Variants in DDX60L observed in about 807,000 individuals in gnomAD.
The protein encoded by DDX60L is probable ATP-dependent RNA helicase DDX60-like.
A neutral mutation model predicts 211.6 loss-of-function variants in DDX60L; 191 were observed. That is an observed-to-expected ratio of 0.90 (90% confidence interval 0.80 to 1.02). The LOEUF (loss-of-function observed/expected upper bound fraction) is 1.02. Ranked by LOEUF, DDX60L falls within the 50% of genes least tolerant of loss-of-function variation. The pLI, the probability that DDX60L is intolerant of heterozygous loss-of-function variation, is 0.00. For missense variants in DDX60L, 2,007 were observed against 1,984.1 expected, an observed-to-expected ratio of 1.01 and a Z score of -0.22; for synonymous variants, 706 against 694.1, an observed-to-expected ratio of 1.02 and a Z score of -0.27.
chr4:168,458,958 T>C (rs1211382718), intron 5 of DDX60L, among the ~76,000 whole-genome samples: 1 of 152,154 alleles, frequency 6.6e-6, no homozygotes, highest in Non-Finnish European at 1.5e-5. Context: ...TAATTTTTAT[T>C]TCAGAATATA....
chr4:168,443,564 A>T (rs1214805237), intron 9 of DDX60L, among the ~76,000 whole-genome samples: 1 of 152,232 alleles, frequency 6.6e-6, no homozygotes, highest in Non-Finnish European at 1.5e-5. Context: ...CAACTCCAAG[A>T]CACATAATTG....
In DDX60L at chr4:168,425,766, CAAAAAAAAG is replaced by C. The variant is rs1410695574; in HGVS notation, c.1930+1295_1930+1303del. 2.0e-5 allele frequency among the ~76,000 whole-genome samples: 3 copies of C among 150,540 alleles called. No individual in the cohort carries two copies. In the East Asian group the frequency reaches 5.8e-4, roughly 29 times the overall value. On this transcript the variant is annotated intron_variant, in intron 14 of 37. Coordinates refer to ENST00000682922, the MANE Select transcript of DDX60L (RefSeq NM_001012967.3). ...CCTGGGTGACAGTGAGACTCCATCCCAAAAAAAAGAAAAAAAAATCACATATCTCTACTC... is the reference window on the plus strand; with the variant it reads ...CCTGGGTGACAGTGAGACTCCATCCCAAAAAAAAATCACATATCTCTACTC...
intron 10 of DDX60L, among the ~76,000 whole-genome samples, chr4:168,433,932 C>T (rs963543534): frequency 6.6e-6 from 1 of 152,186 alleles, no homozygotes; most frequent in Non-Finnish European, 1.5e-5. Flanking sequence ...CCCCCAACAA[C>T]CATTATTTTG....
At chr4:168,397,736 G>T (rs1037473849) in intron 26 of DDX60L, among the ~76,000 whole-genome samples, 6 of 152,210 alleles carry the variant, frequency 3.9e-5, no homozygotes, top group African/African-American at 9.7e-5. Flanking sequence ...TGGCTAATCT[G>T]GAGCGGCCGC....
chr4:168,456,654 T>C (rs1366392473), intron 6 of DDX60L, among the ~76,000 whole-genome samples: 1 of 152,184 alleles, frequency 6.6e-6, no homozygotes, highest in Non-Finnish European at 1.5e-5. Flanking sequence ...ACAACGTCCA[T>C]CAGGATCATT....
chr4:168,384,237 C>G (rs74494019), intron 30 of DDX60L, among the ~76,000 whole-genome samples: 2 of 152,114 alleles, frequency 1.3e-5, no homozygotes, highest in Admixed American at 6.6e-5. Context: ...TGTCACTCTA[C>G]AGAACCCTAA....
rs3749499 is a variant in DDX60L at position 168,394,609 on chromosome 4, C to A, written c.3666G>T (p.Glu1222Asp). 1,555,815 of 1,595,826 alleles carry A rather than the reference C, an allele frequency of 0.97. 761,563 individuals carry two copies. The highest frequency in any genetic ancestry group is 1 in the Non-Finnish European group (1,170,205 of 1,175,220). The change falls in exon 28 of 38, where the codon GAG (glutamate) becomes GAT (aspartate). Residue 1222 changes from glutamate (E) to aspartate (D), a missense_variant. Transcript: ENST00000682922. ...TAAATCGCACTCGCGGTAATACCCTCTCCAAAGTCTAAAACAAGAAAGAAG... is the reference window on the plus strand; with the variant it reads ...TAAATCGCACTCGCGGTAATACCCTATCCAAAGTCTAAAACAAGAAAGAAG... Reference protein sequence around the residue: ...EITRNKDSTLERVLPRVRFTR... With the variant: ...EITRNKDSTLDRVLPRVRFTR...
chr4:168,449,664 AAG>A lies in DDX60L; in HGVS notation c.997-887_997-886del, dbSNP rs1186662228. On this transcript the variant is annotated intron_variant, in intron 8 of 37. Transcript: ENST00000682922. ...AAAAAAAAAAATGCAAAAAAAAAAA[AAG>A]AAAAAAGAAAAAAATTACTAAATGA... Among the ~76,000 whole-genome samples, 371 of 37,638 alleles carry A rather than the reference AAG, an allele frequency of 9.9e-3. 26 individuals carry two copies. Among genetic ancestry groups the A allele is most frequent in the African/African-American group, 0.04 (231 of 5,784 alleles). The allele number at this position is 37,638 out of a possible 152,430, so 24.7% of individuals were successfully genotyped here.
intron 36 of DDX60L, 191 bp from the exon 37 acceptor site, chr4:168,361,402 A>G (rs1579144017): frequency 2.1e-6 from 1 of 475,534 alleles, no homozygotes. Context: ...AAATTATTAA[A>G]GAGATAATTT....
rs1750658299 is a variant in DDX60L, at chr4:168,421,733, C to A, written c.2394+27G>T. On this transcript the variant is annotated intron_variant, in intron 17 of 37. Transcript: ENST00000682922. The stretch of plus-strand genomic sequence containing the variant: ...TAAAGGGGATGTTCAGGAACAAAAG[C>A]AAAAATGAAAGTCATTCAAACACTA... 5.0e-6 allele frequency: 8 copies of A among 1,611,304 alleles called. No homozygotes were observed. In the South Asian group the frequency reaches 5.5e-5, roughly 11 times the overall value.
In DDX60L at chr4:168,418,322, C is replaced by T. The variant is rs139109217; in HGVS notation, c.2610+980G>A. On this transcript the variant is annotated intron_variant, in intron 19 of 37. Transcript: ENST00000682922. ...ACCTCAGGTGATCCACCCGCCTCAG[C>T]CTCCCAAAGTACTGGGTTTACAGGC... 5.3e-3 allele frequency among the ~76,000 whole-genome samples: 802 copies of T among 152,316 alleles called. 8 individuals are homozygous for T. Among genetic ancestry groups the T allele is most frequent in the African/African-American group, 0.018 (752 of 41,576 alleles).
chr4:168,401,075 G>A lies in DDX60L; in HGVS notation c.3339-97C>T, dbSNP rs1210261944. The stretch of plus-strand genomic sequence containing the variant: ...ATAAGGCCCCTCAATCATCTGAATA[G>A]ACTTCATCCTAGGCCAGGGCACTCT... On this transcript the variant is annotated intron_variant, in intron 25 of 37. Transcript: ENST00000682922. 5 of 1,123,594 alleles carry A rather than the reference G, an allele frequency of 4.5e-6. No individual in the cohort carries two copies. The East Asian group carries it at 1.2e-4, about 27-fold the overall frequency. The allele number at this position is 1,123,594 out of a possible 1,614,324, so 69.6% of individuals were successfully genotyped here. A position where few individuals can be genotyped will look rare whatever the true frequency, so the allele number is the denominator to read the frequency against.
At chr4:168,392,405 A>G (rs1744992123) in intron 28 of DDX60L, among the ~76,000 whole-genome samples, 1 of 152,216 alleles carries the variant, frequency 6.6e-6, no homozygotes, top group South Asian at 2.1e-4. Context: ...ATAAAGAGTG[A>G]GCAAAAAGAC....
rs1439000329 is a variant in DDX60L, at chr4:168,379,804, C to G, written c.4143G>C (p.Leu1381Phe). The G allele has an allele frequency of 2.5e-6, 4 of 1,612,550 alleles. No individual in the cohort carries two copies. Among genetic ancestry groups the G allele is most frequent in the Non-Finnish European group, 3.4e-6 (4 of 1,179,236 alleles). Residue 1381 changes from leucine to phenylalanine, a missense_variant, in exon 31 of 38, where the codon TTG becomes TTC. By Grantham distance (22) the Leu-to-Phe change is conservative. Transcript: ENST00000682922. ...TGGCTCTTCGTCTCTTAAAAGACAG[C>G]AATGAATGCTTTAGCACTGACAACA... ...AKVLSVLKHSLLSFKRRRAME... is the reference protein window; with the variant it reads ...AKVLSVLKHSFLSFKRRRAME...
At chr4:168,453,074 A>T in intron 8 of DDX60L, 50 bp downstream of exon 8, 1 of 1,526,158 alleles carries the variant, frequency 6.6e-7, no homozygotes, top group Non-Finnish European at 8.9e-7. Context: ...AAAGGTGATC[A>T]TGGTTTTCAT....
intron 29 of DDX60L, chr4:168,390,644 T>G: frequency 1.6e-6 from 1 of 610,158 alleles, no homozygotes; most frequent in East Asian, 3.3e-5. Context: ...TGTCAGTTTT[T>G]TTTTTAGCAG....
At chr4:168,376,164 T>A (rs1001955400) in intron 33 of DDX60L, among the ~76,000 whole-genome samples, 4 of 152,218 alleles carry the variant, frequency 2.6e-5, no homozygotes, top group African/African-American at 9.6e-5. Context: ...GAAATAGCTA[T>A]GACATTAGAA....
chr4:168,426,181 C>T (rs1751417526), intron 14 of DDX60L, among the ~76,000 whole-genome samples: 1 of 152,188 alleles, frequency 6.6e-6, no homozygotes, highest in Non-Finnish European at 1.5e-5. Flanking sequence ...CCGTTCACTC[C>T]CCTGCTCTTG....
In DDX60L at chr4:168,367,859, T is replaced by C. The variant is rs371985130; in HGVS notation, c.4928+3753A>G. 1.6e-4 allele frequency among the ~76,000 whole-genome samples: 25 copies of C among 152,208 alleles called. No individual in the cohort carries two copies. In the East Asian group the frequency reaches 4.6e-3, roughly 28 times the overall value. ...CAGCATTTTGCCCCTGCCCTAGAGA[T>C]TTATGGAACTTAGAACTTGAGAGAG... On this transcript the variant is annotated intron_variant, in intron 36 of 37. Coordinates refer to ENST00000682922, the MANE Select transcript of DDX60L (RefSeq NM_001012967.3).
Sources: allele counts gnomAD v4.1 joint callset (sites outside exome capture counted in the v4.1 genomes callset), GRCh38; gene constraint gnomAD v4.1.1; transcripts MANE v1.5; gene names NCBI Gene and HGNC (gene_info 2026-07-23, HGNC 2026-07-21).